Variants in RBFOX1 observed in about 807,000 individuals in gnomAD.
The protein encoded by RBFOX1 is RNA binding fox-1 homolog 1, also known as RNA binding protein fox-1 homolog 1.
A neutral mutation model predicts 57.7 loss-of-function variants in RBFOX1; 8 were observed. The observed-to-expected ratio is 0.14, with a 90% CI of 0.08 to 0.25. The LOEUF is 0.25. Ranked by LOEUF, RBFOX1 falls within the 10% of genes least tolerant of loss-of-function variation. The probability of loss-of-function intolerance (pLI) is 1.00; values close to 1 mark genes in which losing one functional copy is unlikely to be tolerated. For synonymous variants in RBFOX1, 326 were observed against 222.4 expected, an observed-to-expected ratio of 1.47 and a Z score of -4.15; for missense variants, 611 against 548.5, an observed-to-expected ratio of 1.11 and a Z score of -1.14.
At chr16:6,941,265 T>G (rs11866985) in intron 3 of RBFOX1, among the ~76,000 whole-genome samples, 4 of 106,246 alleles carry the variant, frequency 3.8e-5, no homozygotes, top group African/African-American at 1.5e-4. Context: ...CCCTCCCATT[T>G]CCTCTCTCCC....
chr16:7,546,340 A>G (rs1198833956), intron 5 of RBFOX1, among the ~76,000 whole-genome samples: 1 of 2,328 alleles, frequency 4.3e-4, no homozygotes, highest in East Asian at 4.2e-3. Context: ...AAATAAAATA[A>G]AATAAAATAA....
At chr16:6,755,733 A>T (rs1290945272) in intron 3 of RBFOX1, among the ~76,000 whole-genome samples, 2 of 152,174 alleles carry the variant, frequency 1.3e-5, no homozygotes, top group African/African-American at 4.8e-5. Context: ...TGTTATTCAA[A>T]AACAACTACT....
At chr16:7,099,211 T>C (rs74011023) in intron 4 of RBFOX1, among the ~76,000 whole-genome samples, 2,784 of 152,256 alleles carry the variant, frequency 0.018, 91 homozygotes, top group African/African-American at 0.064. Context: ...CAATGTCTTC[T>C]GCATACGTGT....
At chr16:6,534,974 G>A (rs2096715309) in intron 2 of RBFOX1, among the ~76,000 whole-genome samples, 1 of 152,146 alleles carries the variant, frequency 6.6e-6, no homozygotes, top group Non-Finnish European at 1.5e-5. Flanking sequence ...GGAGGTATGA[G>A]CTTTCTGCAA....
At chr16:6,846,167 G>A (rs2093744606) in intron 3 of RBFOX1, among the ~76,000 whole-genome samples, 2 of 152,112 alleles carry the variant, frequency 1.3e-5, no homozygotes, top group African/African-American at 4.8e-5. Flanking sequence ...CTTACACGGT[G>A]GCCCATCCAA....
intron 4 of RBFOX1, among the ~76,000 whole-genome samples, chr16:5,967,555 A>G (rs2059871169): frequency 6.6e-6 from 1 of 152,210 alleles, no homozygotes; most frequent in African/African-American, 2.4e-5. Context: ...TTTATAGTAG[A>G]TAAAGCAAGA....
rs536006658 is a variant in RBFOX1, at chr16:7,294,676, G to C, written c.28-223471G>C. 1.2e-3 allele frequency among the ~76,000 whole-genome samples: 177 copies of C among 152,172 alleles called. 2 individuals are homozygous for C. Among genetic ancestry groups the C allele is most frequent in the Admixed American group, 9.8e-4 (15 of 15,276 alleles). On this transcript the variant is annotated intron_variant, in intron 4 of 15. Transcript: ENST00000550418. ...ATAAAATTAGGTGGCTGGGGTCAGC[G>C]ATATATTCCTGGAAAAAGAAAGCTT...
At chr16:6,869,216 GC>G (rs1204914502) in intron 3 of RBFOX1, among the ~76,000 whole-genome samples, 1 of 152,100 alleles carries the variant, frequency 6.6e-6, no homozygotes, top group Non-Finnish European at 1.5e-5. Flanking sequence ...GCCATTATCA[GC>G]AACACTTGCT....
chr16:5,988,170 A>T (rs2060318993), intron 4 of RBFOX1, among the ~76,000 whole-genome samples: 1 of 152,210 alleles, frequency 6.6e-6, no homozygotes, highest in Non-Finnish European at 1.5e-5. Context: ...GATTTTCAGG[A>T]GGTGCAAATG....
At chr16:5,895,382 T>C (rs2058140390) in intron 4 of RBFOX1, among the ~76,000 whole-genome samples, 1 of 152,212 alleles carries the variant, frequency 6.6e-6, no homozygotes, top group African/African-American at 2.4e-5. Flanking sequence ...TAAGATGAGC[T>C]TCTGGAAGTA....
chr16:7,395,549 T>G (rs2098126103), intron 4 of RBFOX1, among the ~76,000 whole-genome samples: 1 of 152,198 alleles, frequency 6.6e-6, no homozygotes. Context: ...GCAGAGCTCA[T>G]TAAGGGGAAT....
chr16:7,692,335 C>T (rs2077527211), intron 14 of RBFOX1, among the ~76,000 whole-genome samples: 1 of 152,080 alleles, frequency 6.6e-6, no homozygotes, highest in Non-Finnish European at 1.5e-5. Context: ...TATTTATATT[C>T]CAGGGTGTAC....
chr16:5,815,552 A>G (rs2055603842), intron 3 of RBFOX1, among the ~76,000 whole-genome samples: 1 of 152,164 alleles, frequency 6.6e-6, no homozygotes, highest in Non-Finnish European at 1.5e-5. Context: ...CAGAAAGTCC[A>G]TCTCCTTCTC....
chr16:6,313,025 A>G (rs907335714), intron 1 of RBFOX1, among the ~76,000 whole-genome samples: 1 of 152,160 alleles, frequency 6.6e-6, no homozygotes, highest in African/African-American at 2.4e-5. Context: ...CCATGTGGTC[A>G]GGGGGTTCCA....
chr16:7,531,226 A>C (rs544994263), intron 5 of RBFOX1, among the ~76,000 whole-genome samples: 19 of 152,332 alleles, frequency 1.2e-4, no homozygotes, highest in African/African-American at 4.3e-4. Flanking sequence ...GTAAATGCCC[A>C]TTCTGATTGT....
intron 4 of RBFOX1, among the ~76,000 whole-genome samples, chr16:5,968,003 A>T (rs748076467): frequency 2.0e-5 from 3 of 152,150 alleles, no homozygotes; most frequent in Non-Finnish European, 4.4e-5. Flanking sequence ...CCTCAGTCTT[A>T]GTTCTACAAA....
intron 6 of RBFOX1, among the ~76,000 whole-genome samples, chr16:7,585,952 C>G (rs2094098714): frequency 6.6e-6 from 1 of 152,030 alleles, no homozygotes; most frequent in African/African-American, 2.4e-5. Context: ...CGCTGCCACA[C>G]AGAAGCACGC....
intron 1 of RBFOX1, among the ~76,000 whole-genome samples, chr16:5,451,996 T>C (rs2068439616): frequency 1.3e-5 from 2 of 151,966 alleles, no homozygotes; most frequent in East Asian, 3.9e-4. Flanking sequence ...AAATTCACCA[T>C]CTCCCTCCAC....
chr16:6,574,989 G>GA (rs1393401199), intron 2 of RBFOX1, among the ~76,000 whole-genome samples: 23 of 150,546 alleles, frequency 1.5e-4, no homozygotes, highest in Non-Finnish European at 4.4e-5. Context: ...AGTGAGCCGA[G>GA]ATGGCACCAC....
Sources: allele counts gnomAD v4.1 joint callset (sites outside exome capture counted in the v4.1 genomes callset), GRCh38; gene constraint gnomAD v4.1.1; transcripts MANE v1.5; gene names NCBI Gene and HGNC (gene_info 2026-07-23, HGNC 2026-07-21).